The following PAG1 variants were observed in gnomAD, a reference collection of about 807,000 sequenced individuals.
PAG1 encodes phosphoprotein associated with glycosphingolipid-enriched microdomains 1.
A neutral mutation model predicts 31.7 loss-of-function variants in PAG1; 23 were observed. That is an observed-to-expected ratio of 0.73 (90% CI 0.52 to 1.03). The LOEUF is 1.03. PAG1 is among the 50% of genes least tolerant of loss of function. The probability of loss-of-function intolerance (pLI) is 0.00; values close to 1 mark genes in which losing one functional copy is unlikely to be tolerated. For missense variants in PAG1, 473 were observed against 540.7 expected (o/e 0.87, Z 1.24); for synonymous variants, 214 against 210.3 (o/e 1.02, Z -0.15).
rs189574789 is a variant in PAG1, at chr8:81,038,722, A to G, written c.-174-8633T>C. On this transcript the variant is annotated intron_variant, in intron 2 of 8. Coordinates refer to ENST00000220597, the MANE Select transcript of PAG1 (RefSeq NM_018440.4). ...TGACCACTTCAATCTTAGACTTTCA[A>G]TGCTGCTTGCAGATACCACAACAGA... Among the ~76,000 whole-genome samples, 9 of 152,296 alleles carry G rather than the reference A, an allele frequency of 5.9e-5. No individual in the cohort carries two copies. The East Asian group carries it at 1.7e-3, about 29-fold the overall frequency.
rs774498324 is a variant in PAG1 at position 80,980,537 on chromosome 8, A to G, written c.877-43T>C. 8.9e-6 allele frequency: 11 copies of G among 1,235,390 alleles called. No homozygotes were observed. The Admixed American group carries it at 1.9e-4, about 21-fold the overall frequency. 76.5% of individuals were successfully genotyped at this position (1,235,390 alleles called of 1,614,324 possible). On this transcript the variant is annotated intron_variant, in intron 7 of 8. Coordinates refer to ENST00000220597, the MANE Select transcript of PAG1 (RefSeq NM_018440.4). Reference sequence around the variant, plus strand: ...AGCCAAGGAAAGTAATTCAGCGTTAACAATCTAACCTTTCTTTTGCACATG... The same window carrying G: ...AGCCAAGGAAAGTAATTCAGCGTTAGCAATCTAACCTTTCTTTTGCACATG...
chr8:81,103,340 C>G (rs1809640148), intron 1 of PAG1, among the ~76,000 whole-genome samples: 1 of 152,118 alleles, frequency 6.6e-6, no homozygotes, highest in Non-Finnish European at 1.5e-5. Flanking sequence ...AGTAGCTATT[C>G]ACAAAGATAC....
Position 80,976,446 on chromosome 8 carries a change from C to T in PAG1, c.*98G>A. 8.2e-7 allele frequency: 1 copy of T among 1,223,110 alleles called. No individual in the cohort carries two copies. The highest frequency in any genetic ancestry group is 1.1e-6 in the Non-Finnish European group (1 of 871,992). The allele number at this position is 1,223,110 out of a possible 1,614,324, so 75.8% of individuals were successfully genotyped here. ...TCCAACCATCTTCAGGTGACTAAAG[C>T]AGCATATGAAGTATAGGTTTGTGTC... On this transcript the variant is annotated 3_prime_UTR_variant, in exon 9 of 9. Transcript: ENST00000220597.
chr8:81,018,933 T>C (rs1808116650), intron 3 of PAG1, among the ~76,000 whole-genome samples: 1 of 152,090 alleles, frequency 6.6e-6, no homozygotes, highest in Non-Finnish European at 1.5e-5. Context: ...GATAAGAAAA[T>C]GTGGCAAAGT....
Position 80,974,262 on chromosome 8 carries a change from A to G in PAG1, c.*2282T>C, listed in dbSNP as rs1339717787. 6.6e-6 allele frequency: 1 copy of G among 151,830 alleles called. No individual in the cohort carries two copies. The highest frequency in any genetic ancestry group is 1.5e-5 in the Non-Finnish European group (1 of 67,996). The allele number at this position is 151,830 out of a possible 1,614,324, so 9.4% of individuals were successfully genotyped here. On this transcript the variant is annotated 3_prime_UTR_variant, in exon 9 of 9. Transcript: ENST00000220597. ...GTTTTGAGCTGTAAGGTGCCTATAA[A>G]GGATGTCACTACAGCATTCACAATG...
intron 1 of PAG1, among the ~76,000 whole-genome samples, chr8:81,087,341 CAAAAAA>C (rs34830995): frequency 1.0e-5 from 1 of 98,312 alleles, no homozygotes; most frequent in African/African-American, 3.8e-5. Flanking sequence ...GACTCTGTCT[CAAAAAA>C]AAAAAAAAAA....
At chr8:80,987,260 A>G in intron 6 of PAG1, 110 bp downstream of exon 6, 2 of 726,380 alleles carry the variant, frequency 2.8e-6, no homozygotes, top group Non-Finnish European at 4.9e-6. Flanking sequence ...TAGGAATACT[A>G]AAACTGAGCA....
At chr8:81,052,038 G>A (rs1189808116) in intron 2 of PAG1, among the ~76,000 whole-genome samples, 1 of 151,394 alleles carries the variant, frequency 6.6e-6, no homozygotes, top group Non-Finnish European at 1.5e-5. Context: ...GCTGAGGCAG[G>A]AGAATGGCGT....
chr8:81,010,125 T>C (rs1247720938), intron 3 of PAG1, among the ~76,000 whole-genome samples: 2 of 152,252 alleles, frequency 1.3e-5, no homozygotes, highest in Non-Finnish European at 2.9e-5. Context: ...TCTTGTAGTA[T>C]TGGAACATGT....
In PAG1 at chr8:80,985,124, C is replaced by T. The variant is rs2130425079; in HGVS notation, c.528G>A (p.Val176=). 1.2e-6 allele frequency: 2 copies of T among 1,614,146 alleles called. No homozygotes were observed. The highest frequency in any genetic ancestry group is 1.6e-4 in the Middle Eastern group (1 of 6,062). ...TCACAGTTTCATACAAGCAGTCCTC[C>T]ACCATGTTTTCTTGGGAGGAGCTGT... ...LKDSSSQENM[V]EDCLYETVKE... is the part of the protein sequence containing the mutation. Residue 176 remains valine, a synonymous_variant, in exon 7 of 9, where the codon GTG becomes GTA. Coordinates refer to ENST00000220597, the MANE Select transcript of PAG1 (RefSeq NM_018440.4).
chr8:80,999,966 C>G (rs1228249157), intron 3 of PAG1, among the ~76,000 whole-genome samples: 1 of 152,126 alleles, frequency 6.6e-6, no homozygotes, highest in Non-Finnish European at 1.5e-5. Context: ...AAGTACGTAT[C>G]ACATGCACTC....
At chr8:81,085,907 TTTA>T (rs1316287061) in intron 1 of PAG1, among the ~76,000 whole-genome samples, 1 of 151,970 alleles carries the variant, frequency 6.6e-6, no homozygotes, top group Non-Finnish European at 1.5e-5. Context: ...GTTTTTTTGG[TTTA>T]GGATCTTTTT....
chr8:81,107,455 T>C (rs1217398520), intron 1 of PAG1, among the ~76,000 whole-genome samples: 11 of 152,228 alleles, frequency 7.2e-5, no homozygotes, highest in African/African-American at 2.7e-4. Flanking sequence ...GAACGTTCTA[T>C]AAGTATCACG....
At chr8:81,011,496 C>CA (rs1554601488) in intron 3 of PAG1, among the ~76,000 whole-genome samples, 1 of 150,152 alleles carries the variant, frequency 6.7e-6, no homozygotes, top group Non-Finnish European at 1.5e-5. Context: ...GTCCATTAAA[C>CA]TTTTTTTTTT....
intron 2 of PAG1, among the ~76,000 whole-genome samples, chr8:81,042,700 AAC>A (rs1808574340): frequency 6.6e-6 from 1 of 152,086 alleles, no homozygotes; most frequent in Non-Finnish European, 1.5e-5. Context: ...GAGATGGGAA[AAC>A]ACAGACAGGA....
Position 80,973,191 on chromosome 8 carries a change from TA to T in PAG1, c.*3352del, listed in dbSNP as rs1807113114. 6.6e-6 allele frequency: 1 copy of T among 152,094 alleles called. No homozygotes were observed. The highest frequency in any genetic ancestry group is 1.5e-5 in the Non-Finnish European group (1 of 68,004). The allele number at this position is 152,094 out of a possible 1,614,324, so 9.4% of individuals were successfully genotyped here. Reference sequence around the variant, plus strand: ...AAAAGCTTCAACAGACCTAATGATGTAATTTATTCAGGACAGAAAAAAAAAT... The same window carrying T: ...AAAAGCTTCAACAGACCTAATGATGTATTTATTCAGGACAGAAAAAAAAAT... On this transcript the variant is annotated 3_prime_UTR_variant, in exon 9 of 9. Transcript: ENST00000220597.
chr8:81,008,586 T>C (rs1336099603), intron 3 of PAG1, among the ~76,000 whole-genome samples: 1 of 148,842 alleles, frequency 6.7e-6, no homozygotes, highest in African/African-American at 2.4e-5. Context: ...TATAGTAGTA[T>C]ATATAATACT....
At chr8:81,030,953 C>T (rs1020677692) in intron 2 of PAG1, among the ~76,000 whole-genome samples, 2 of 152,194 alleles carry the variant, frequency 1.3e-5, no homozygotes, top group Non-Finnish European at 2.9e-5. Context: ...AGGAGAATAT[C>T]TTGGCTGTTG....
At chr8:80,984,456 G>A (rs1563616178) in intron 7 of PAG1, among the ~76,000 whole-genome samples, 1 of 152,124 alleles carries the variant, frequency 6.6e-6, no homozygotes, top group East Asian at 1.9e-4. Flanking sequence ...GGTAAAATGT[G>A]TGGGCAAAGT....
Sources: allele counts gnomAD v4.1 joint callset (sites outside exome capture counted in the v4.1 genomes callset), GRCh38; gene constraint gnomAD v4.1.1; transcripts MANE v1.5; gene names NCBI Gene and HGNC (gene_info 2026-07-23, HGNC 2026-07-21).